PIEZO2: variants seen among roughly 807,000 people sequenced by gnomAD.
The protein encoded by PIEZO2 is piezo type mechanosensitive ion channel component 2, also known as piezo-type mechanosensitive ion channel component 2.
A neutral mutation model predicts 337.3 loss-of-function variants in PIEZO2; 172 were observed. The ratio of observed to expected loss-of-function variants is 0.51; its 90% confidence interval spans 0.45 to 0.58. The LOEUF (loss-of-function observed/expected upper bound fraction) is 0.58, where lower values mean the gene tolerates loss of function less well. Ranked by LOEUF, PIEZO2 falls within the 20% of genes least tolerant of loss-of-function variation. The pLI, the probability that PIEZO2 is intolerant of heterozygous loss-of-function variation, is 0.00. For missense variants in PIEZO2, 3,028 were observed against 3,391.3 expected (o/e 0.89, Z 2.66); for synonymous variants, 1,251 against 1,228.5 (o/e 1.02, Z -0.38).
intron 21 of PIEZO2, among the ~76,000 whole-genome samples, chr18:10,764,800 C>T (rs1247614090): frequency 1.3e-5 from 2 of 152,064 alleles, no homozygotes; most frequent in Non-Finnish European, 2.9e-5. Flanking sequence ...AAATACTGTA[C>T]ATGGAAAGGC....
chr18:10,725,562 C>T (rs1010614704), intron 36 of PIEZO2: 13 of 1,369,526 alleles, frequency 9.5e-6, no homozygotes, highest in Non-Finnish European at 1.3e-5. Context: ...TTTTGTTTCT[C>T]CCCTGTCCCT....
chr18:10,893,013 G>C (rs1185197676), intron 4 of PIEZO2, among the ~76,000 whole-genome samples: 2 of 152,136 alleles, frequency 1.3e-5, no homozygotes, highest in African/African-American at 2.4e-5. Context: ...TTTCTCCCTG[G>C]GGATTTCCCT....
In PIEZO2 at chr18:10,744,117, G is replaced by A. The variant is rs141213024; in HGVS notation, c.4514+25C>T. The A allele has an allele frequency of 6.7e-5, 99 of 1,479,082 alleles. No homozygotes were observed. In the African/African-American group the frequency reaches 1.2e-3, roughly 17 times the overall value. 91.6% of individuals were successfully genotyped at this position (1,479,082 alleles called of 1,614,324 possible). A position where few individuals can be genotyped will look rare whatever the true frequency, so the allele number is the denominator to read the frequency against. On this transcript the variant is annotated intron_variant, in intron 31 of 55. Coordinates refer to ENST00000674853, the MANE Select transcript of PIEZO2 (RefSeq NM_001378183.1). ...GTCACACAATCAGAAGACGGAAGGA[G>A]GATGAGCATCAATAGCATCCTTACT...
In PIEZO2 at chr18:10,846,208, T is replaced by C. The variant is rs952379827; in HGVS notation, c.917+9145A>G. Among the ~76,000 whole-genome samples, 14 of 152,190 alleles carry C rather than the reference T, an allele frequency of 9.2e-5. No individual in the cohort carries two copies. Among genetic ancestry groups the C allele is most frequent in the African/African-American group, 3.4e-4 (14 of 41,462 alleles). On this transcript the variant is annotated intron_variant, in intron 7 of 55. Transcript: ENST00000674853. The surrounding 1 kb of genome is among the most constrained non-coding windows in gnomAD (Gnocchi z 4.1). ...CATGGCTAGGGAGGCCTCACAATCA[T>C]GGCAGAAGGCAAGGAGGAGCAAGTC... is the stretch of plus-strand genomic sequence containing the variant.
rs191138272 is a variant in PIEZO2 at position 11,035,874 on chromosome 18, C to T, written c.160+30253G>A. On this transcript the variant is annotated intron_variant, in intron 2 of 55. Transcript: ENST00000674853. The surrounding 1 kb of genome is among the most constrained non-coding windows in gnomAD (Gnocchi z 4.3). ...TAATGAACAGCAAATAATATCTGTA[C>T]TCCAAATACTTGTCAGAGGAATGAA... is the stretch of plus-strand genomic sequence containing the variant. 2.0e-5 allele frequency among the ~76,000 whole-genome samples: 3 copies of T among 152,336 alleles called. No individual in the cohort carries two copies. In the East Asian group the frequency reaches 5.8e-4, roughly 29 times the overall value.
intron 3 of PIEZO2, among the ~76,000 whole-genome samples, chr18:10,922,729 C>T (rs2031503744): frequency 6.6e-6 from 1 of 152,178 alleles, no homozygotes; most frequent in African/African-American, 2.4e-5. Flanking sequence ...AGGCAGGACT[C>T]ATAAGCTGTG....
At chr18:10,874,056 T>C (rs1161263345) in intron 4 of PIEZO2, among the ~76,000 whole-genome samples, 2 of 152,082 alleles carry the variant, frequency 1.3e-5, no homozygotes, top group African/African-American at 2.4e-5. Context: ...GAAAAAATAT[T>C]TGCAAACTAT....
intron 1 of PIEZO2, among the ~76,000 whole-genome samples, chr18:11,113,596 C>T (rs2039798416): frequency 6.6e-6 from 1 of 152,162 alleles, no homozygotes; most frequent in African/African-American, 2.4e-5. Context: ...CCTGGGAGGC[C>T]CTCGCAGGTA....
At chr18:10,843,318 C>T (rs2041250957) in intron 7 of PIEZO2, among the ~76,000 whole-genome samples, 1 of 150,068 alleles carries the variant, frequency 6.7e-6, no homozygotes, top group South Asian at 2.4e-4. Context: ...TTCTTATACG[C>T]TCACACTTTC....
In PIEZO2 at chr18:10,759,375, T is replaced by C; in HGVS notation, c.3757+107A>G. 1 of 912,150 alleles carries C rather than the reference T, an allele frequency of 1.1e-6. No homozygotes were observed. Among genetic ancestry groups the C allele is most frequent in the Non-Finnish European group, 1.7e-6 (1 of 596,990 alleles). 56.5% of individuals were successfully genotyped at this position (912,150 alleles called of 1,614,324 possible). A position where few individuals can be genotyped will look rare whatever the true frequency, so the allele number is the denominator to read the frequency against. ...TGCATAAGACAAGCCTTTACATGAT[T>C]ACGAAGTCTAGTGGAAGACAAAAGG... On this transcript the variant is annotated intron_variant, in intron 26 of 55. Coordinates refer to ENST00000674853, the MANE Select transcript of PIEZO2 (RefSeq NM_001378183.1). The surrounding 1 kb of genome is among the most constrained non-coding windows in gnomAD (Gnocchi z 5.5).
rs887370664 is a variant in PIEZO2, at chr18:10,943,894, T to C, written c.287-32666A>G. Among the ~76,000 whole-genome samples, 1 of 152,136 alleles carries C rather than the reference T, an allele frequency of 6.6e-6. No homozygotes were observed. The highest frequency in any genetic ancestry group is 2.4e-5 in the African/African-American group (1 of 41,426). On this transcript the variant is annotated intron_variant, in intron 3 of 55. Coordinates refer to ENST00000674853, the MANE Select transcript of PIEZO2 (RefSeq NM_001378183.1). This position sits in a 1 kb window ranked among gnomAD's most constrained non-coding sequence, Gnocchi z 4.5. ...ATGATAGTGAATGGGTCTCACGAGATCTGATGGCTTTAAAAATGGGAGTTT... is the reference window on the plus strand; with the variant it reads ...ATGATAGTGAATGGGTCTCACGAGACCTGATGGCTTTAAAAATGGGAGTTT...
rs1040700656 is a variant in PIEZO2, at chr18:11,148,406, C to T, written c.64+119G>A. 623 of 1,177,180 alleles carry T rather than the reference C, an allele frequency of 5.3e-4. 1 individual carries two copies. The highest frequency in any genetic ancestry group is 7.0e-4 in the Non-Finnish European group (582 of 832,794). 72.9% of individuals were successfully genotyped at this position (1,177,180 alleles called of 1,614,324 possible). On this transcript the variant is annotated intron_variant, in intron 1 of 55. Coordinates refer to ENST00000674853, the MANE Select transcript of PIEZO2 (RefSeq NM_001378183.1). The surrounding 1 kb of genome is among the most constrained non-coding windows in gnomAD (Gnocchi z 5.2). ...CACCAGGGACAGCGCGCGTCTGACGCCGCTGGCCTCCCGAATCGAACCCCA... is the reference window on the plus strand; with the variant it reads ...CACCAGGGACAGCGCGCGTCTGACGTCGCTGGCCTCCCGAATCGAACCCCA...
intron 7 of PIEZO2, among the ~76,000 whole-genome samples, chr18:10,839,221 C>T (rs1217157403): frequency 6.6e-6 from 1 of 152,176 alleles, no homozygotes; most frequent in Admixed American, 6.5e-5. Flanking sequence ...ATCCCACTGC[C>T]TTATTTCTCA....
rs79626298 is a variant in PIEZO2 at position 10,925,359 on chromosome 18, A to G, written c.287-14131T>C. Among the ~76,000 whole-genome samples the G allele has an allele frequency of 8.3e-3, 1,258 of 152,310 alleles. 26 individuals carry two copies. The highest frequency in any genetic ancestry group is 0.028 in the African/African-American group (1,169 of 41,558). On this transcript the variant is annotated intron_variant, in intron 3 of 55. Transcript: ENST00000674853. ...CAGACCCGCTAATTTAATAACATCC[A>G]TGAGACAGGTAAAAGCAAGACACTC...
At chr18:10,985,243 A>G (rs1054229021) in intron 2 of PIEZO2, among the ~76,000 whole-genome samples, 14 of 152,218 alleles carry the variant, frequency 9.2e-5, no homozygotes, top group Non-Finnish European at 7.4e-5. Flanking sequence ...TTAAAATACA[A>G]AAGTATTAAA....
chr18:10,919,275 T>G (rs2031225506), intron 3 of PIEZO2, among the ~76,000 whole-genome samples: 2 of 152,140 alleles, frequency 1.3e-5, no homozygotes, highest in South Asian at 2.1e-4. Flanking sequence ...CTGCAGCCAA[T>G]TCATTTGCCC....
At chr18:10,978,052 G>A (rs118105084) in intron 3 of PIEZO2, among the ~76,000 whole-genome samples, 10 of 152,316 alleles carry the variant, frequency 6.6e-5, no homozygotes, top group Non-Finnish European at 1.3e-4. Flanking sequence ...GCCAGGTGTG[G>A]TGGCTCACGC....
At chr18:10,777,656 T>C (rs1009271812) in intron 18 of PIEZO2, among the ~76,000 whole-genome samples, 1 of 152,214 alleles carries the variant, frequency 6.6e-6, no homozygotes, top group African/African-American at 2.4e-5. Flanking sequence ...AATTCTAGCA[T>C]TGTAAAATCT....
intron 4 of PIEZO2, among the ~76,000 whole-genome samples, chr18:10,874,831 C>T (rs946906002): frequency 2.6e-5 from 4 of 151,578 alleles, no homozygotes; most frequent in East Asian, 1.9e-4. Context: ...GAAGGGGGAG[C>T]GAGGAGTAGT....
Sources: gnomAD v4.1 joint callset for allele counts (sites outside exome capture counted in the v4.1 genomes callset) on GRCh38, gnomAD v4.1.1 for gene constraint, Gnocchi (gnomAD v3.1) non-coding constraint, MANE v1.5 for transcripts, NCBI Gene and HGNC (gene_info 2026-07-23, HGNC 2026-07-21) for gene names.